The following CAMTA1 variants were observed in gnomAD, a reference collection of about 807,000 sequenced individuals.
The protein encoded by CAMTA1 is calmodulin binding transcription activator 1, also known as calmodulin-binding transcription activator 1.
CAMTA1 carries 27 observed loss-of-function variants against 170.9 expected under a neutral mutation model. The ratio of observed to expected loss-of-function variants is 0.16; its 90% CI spans 0.12 to 0.22. The LOEUF is 0.22. CAMTA1 is among the 10% of genes least tolerant of loss of function. The pLI, the probability that CAMTA1 is intolerant of heterozygous loss-of-function variation, is 1.00. For synonymous variants in CAMTA1, 833 were observed against 891.5 expected (o/e 0.93, Z 1.17); for missense variants, 1,619 against 2,217.2 (o/e 0.73, Z 5.42).
intron 10 of CAMTA1, chr1:7,672,187 T>A: frequency 2.4e-6 from 1 of 413,272 alleles, no homozygotes. Flanking sequence ...GAGAAGATGC[T>A]CAGTGTAGAA....
At chr1:6,942,824 G>A (rs1277611282) in intron 3 of CAMTA1, among the ~76,000 whole-genome samples, 1 of 152,210 alleles carries the variant, frequency 6.6e-6, no homozygotes, top group East Asian at 1.9e-4. Flanking sequence ...GTGGCCAGCT[G>A]TGATGGGCAG....
rs910700721 is a variant in CAMTA1 at position 7,547,944 on chromosome 1, C to T, written c.510+80043C>T. On this transcript the variant is annotated intron_variant, in intron 6 of 22. Coordinates refer to ENST00000303635, the MANE Select transcript of CAMTA1 (RefSeq NM_015215.4). The surrounding 1 kb of genome is among the most constrained non-coding windows in gnomAD (Gnocchi z 5.7). The stretch of plus-strand genomic sequence containing the variant: ...TGTAAGGAGGATTCTGAAGCCATCT[C>T]CAGGCTCAGGGGAAACAGTGACGTG... Among the ~76,000 whole-genome samples the T allele has an allele frequency of 2.0e-5, 3 of 152,096 alleles. No individual in the cohort carries two copies. The highest frequency in any genetic ancestry group is 4.8e-5 in the African/African-American group (2 of 41,400).
intron 16 of CAMTA1, among the ~76,000 whole-genome samples, chr1:7,742,645 A>G (rs559258773): frequency 1.3e-5 from 2 of 152,342 alleles, no homozygotes; most frequent in African/African-American, 4.8e-5. Context: ...ATGTTTTTAC[A>G]TTGTTACATG....
At chr1:7,453,022 C>T (rs1466578213) in intron 5 of CAMTA1, among the ~76,000 whole-genome samples, 1 of 152,208 alleles carries the variant, frequency 6.6e-6, no homozygotes, top group African/African-American at 2.4e-5. Flanking sequence ...TGAAATAAGA[C>T]CCCATCCCAG....
chr1:6,860,477 C>G (rs1185166890), intron 3 of CAMTA1, among the ~76,000 whole-genome samples: 2 of 152,132 alleles, frequency 1.3e-5, no homozygotes, highest in African/African-American at 4.8e-5. Flanking sequence ...GGTTTTTTAC[C>G]TGAACTCCTT....
At chr1:6,925,518 T>G (rs1160405259) in intron 3 of CAMTA1, among the ~76,000 whole-genome samples, 1 of 152,182 alleles carries the variant, frequency 6.6e-6, no homozygotes, top group Non-Finnish European at 1.5e-5. Context: ...GCTCGATCTT[T>G]CCAAGTGCCT....
At chr1:6,991,476 T>C (rs1696357240) in intron 3 of CAMTA1, among the ~76,000 whole-genome samples, 1 of 152,200 alleles carries the variant, frequency 6.6e-6, no homozygotes, top group Admixed American at 6.5e-5. Context: ...CCCTGATGAC[T>C]AATGGTATTT....
intron 3 of CAMTA1, among the ~76,000 whole-genome samples, chr1:6,872,233 TCAC>T (rs35457975): frequency 0.15 from 22,746 of 150,060 alleles, 1,810 homozygotes; most frequent in East Asian, 0.28. Context: ...ACCCTCACCA[TCAC>T]CACCACCACC....
chr1:6,999,793 T>A (rs77031581), intron 3 of CAMTA1, among the ~76,000 whole-genome samples: 2 of 152,194 alleles, frequency 1.3e-5, no homozygotes, highest in African/African-American at 2.4e-5. Context: ...CCCTCACTTG[T>A]GCTCTTTCTG....
chr1:7,188,573 CT>C (rs1172955773), intron 4 of CAMTA1, among the ~76,000 whole-genome samples: 6 of 152,140 alleles, frequency 3.9e-5, no homozygotes, highest in Non-Finnish European at 8.8e-5. Context: ...AGTATTTGTC[CT>C]TTTGTGGCAG....
At chr1:7,516,838 G>A (rs1040889603) in intron 6 of CAMTA1, among the ~76,000 whole-genome samples, 1 of 152,190 alleles carries the variant, frequency 6.6e-6, no homozygotes, top group Non-Finnish European at 1.5e-5. Flanking sequence ...AGCAAAGGGA[G>A]TCACACAGGA....
At chr1:6,834,336 A>T in intron 3 of CAMTA1, 1 of 199,814 alleles carries the variant, frequency 5.0e-6, no homozygotes. Context: ...TCTTAAGCTG[A>T]TCAAAGTGCT....
intron 4 of CAMTA1, among the ~76,000 whole-genome samples, chr1:7,124,415 C>G (rs1436341696): frequency 6.6e-6 from 1 of 152,208 alleles, no homozygotes; most frequent in East Asian, 1.9e-4. Context: ...AATGTTACCT[C>G]CTTTCTGATG....
intron 6 of CAMTA1, among the ~76,000 whole-genome samples, chr1:7,549,313 C>A (rs1327212585): frequency 6.6e-5 from 10 of 151,942 alleles, no homozygotes; most frequent in African/African-American, 2.4e-4. Flanking sequence ...GTTTTGACTT[C>A]TACTCGGGAC....
chr1:7,625,586 C>T (rs2095627985), intron 6 of CAMTA1, among the ~76,000 whole-genome samples: 1 of 152,264 alleles, frequency 6.6e-6, no homozygotes, highest in African/African-American at 2.4e-5. Context: ...TCAGCATCTG[C>T]CAGGAGAGGG....
Position 7,277,393 on chromosome 1 carries a change from G to A in CAMTA1, c.438+27767G>A, listed in dbSNP as rs530997550. On this transcript the variant is annotated intron_variant, in intron 5 of 22. Transcript: ENST00000303635. ...GATATTCCAAAGAGGTAGATTTCAG[G>A]GTTCAGTTTCTGAACTTTCTGAGGA... 1.4e-3 allele frequency among the ~76,000 whole-genome samples: 213 copies of A among 151,678 alleles called. 1 individual carries two copies. Among genetic ancestry groups the A allele is most frequent in the Non-Finnish European group, 2.3e-3 (159 of 67,950 alleles).
chr1:7,669,642 G>A (rs569212498), intron 9 of CAMTA1, among the ~76,000 whole-genome samples: 2 of 152,386 alleles, frequency 1.3e-5, no homozygotes, highest in Admixed American at 1.3e-4. Context: ...CTCCAGCCTG[G>A]ACACTAGGTG....
Position 6,971,790 on chromosome 1 carries a change from C to T in CAMTA1, c.235-119514C>T, listed in dbSNP as rs1382169519. Among the ~76,000 whole-genome samples, 2 of 152,216 alleles carry T rather than the reference C, an allele frequency of 1.3e-5. No individual in the cohort carries two copies. Among genetic ancestry groups the T allele is most frequent in the Non-Finnish European group, 2.9e-5 (2 of 68,038 alleles). Reference sequence around the variant, plus strand: ...AAGAAAAGGCCAGGCCTGCCTGTGGCCGCCCCCGGGTCTCAGCAATGGCAT... The same window carrying T: ...AAGAAAAGGCCAGGCCTGCCTGTGGTCGCCCCCGGGTCTCAGCAATGGCAT... On this transcript the variant is annotated intron_variant, in intron 3 of 22. Transcript: ENST00000303635. This position sits in a 1 kb window ranked among gnomAD's most constrained non-coding sequence, Gnocchi z 4.6.
At chr1:7,162,187 A>C (rs1188963644) in intron 4 of CAMTA1, among the ~76,000 whole-genome samples, 1 of 152,164 alleles carries the variant, frequency 6.6e-6, no homozygotes, top group Non-Finnish European at 1.5e-5. Context: ...AGGTCCCAAC[A>C]GTTGGCTGGG....
Sources: gnomAD v4.1 joint callset for allele counts (sites outside exome capture counted in the v4.1 genomes callset) on GRCh38, gnomAD v4.1.1 for gene constraint, Gnocchi (gnomAD v3.1) non-coding constraint, MANE v1.5 for transcripts, NCBI Gene and HGNC (gene_info 2026-07-23, HGNC 2026-07-21) for gene names.